Variants in KIF6 observed in about 807,000 individuals in gnomAD.
KIF6 encodes the protein kinesin family member 6.
KIF6 carries 106 observed loss-of-function variants against 112.7 expected under a neutral mutation model. The ratio of observed to expected loss-of-function variants is 0.94; its 90% CI spans 0.80 to 1.11. The LOEUF is 1.11. Ranked by LOEUF, KIF6 falls within the 50% of genes least tolerant of loss-of-function variation. The probability of loss-of-function intolerance (pLI) is 0.00; values close to 1 mark genes in which losing one functional copy is unlikely to be tolerated. For missense variants in KIF6, 929 were observed against 964.0 expected, an observed-to-expected ratio of 0.96 and a Z score of 0.48; for synonymous variants, 339 against 339.9, an observed-to-expected ratio of 1.00 and a Z score of 0.03.
intron 3 of KIF6, among the ~76,000 whole-genome samples, chr6:39,653,660 A>G (rs1785601733): frequency 6.6e-6 from 1 of 152,208 alleles, no homozygotes; most frequent in Non-Finnish European, 1.5e-5. Flanking sequence ...CACAAAAGGT[A>G]AGGTCAAGCT....
At chr6:39,404,199 T>G (rs1325186421) in intron 15 of KIF6, among the ~76,000 whole-genome samples, 1 of 152,226 alleles carries the variant, frequency 6.6e-6, no homozygotes, top group Admixed American at 6.5e-5. Context: ...ATTACTTTAA[T>G]TTTATTGGTT....
chr6:39,589,512 G>A (rs374960832), intron 7 of KIF6, among the ~76,000 whole-genome samples: 18 of 152,132 alleles, frequency 1.2e-4, no homozygotes, highest in African/African-American at 9.7e-5. Flanking sequence ...CTCAGTTCTC[G>A]TGGCAGCCCT....
chr6:39,499,633 TCTGTTTTCCTC>T (rs1370877988), intron 13 of KIF6, among the ~76,000 whole-genome samples: 2 of 152,158 alleles, frequency 1.3e-5, no homozygotes, highest in African/African-American at 4.8e-5. Context: ...CTACCTGTCT[TCTGTTTTCCTC>T]CTAGGACCAA....
Position 39,602,615 on chromosome 6 carries a change from A to G in KIF6, c.640-6355T>C, listed in dbSNP as rs183836084. Among the ~76,000 whole-genome samples the G allele has an allele frequency of 3.1e-4, 47 of 152,296 alleles. 1 individual carries two copies. The highest frequency in any genetic ancestry group is 2.7e-3 in the Admixed American group (41 of 15,286). ...CATAATTTCTAAAAATCTTCAAATA[A>G]TTCTGTGACTACATCTGCAAGCTTT... On this transcript the variant is annotated intron_variant, in intron 6 of 22. Transcript: ENST00000287152.
intron 3 of KIF6, among the ~76,000 whole-genome samples, chr6:39,674,861 C>T (rs1787042752): frequency 6.7e-6 from 1 of 148,646 alleles, no homozygotes. Flanking sequence ...ATGAGAGAAC[C>T]AAACCTAACA....
intron 10 of KIF6, among the ~76,000 whole-genome samples, chr6:39,567,611 CT>C (rs138061257): frequency 1.4e-3 from 208 of 144,894 alleles, no homozygotes; most frequent in Non-Finnish European, 1.4e-3. Flanking sequence ...GAAGTGATTT[CT>C]TTTTTTTTTT....
At chr6:39,714,487 A>T (rs891112624) in intron 3 of KIF6, among the ~76,000 whole-genome samples, 1 of 152,136 alleles carries the variant, frequency 6.6e-6, no homozygotes, top group Admixed American at 6.5e-5. Flanking sequence ...TTGCTGCGTT[A>T]TTTTGTTTTG....
intron 10 of KIF6, among the ~76,000 whole-genome samples, chr6:39,570,518 G>A (rs1411767366): frequency 2.0e-5 from 3 of 152,198 alleles, no homozygotes; most frequent in Non-Finnish European, 2.9e-5. Context: ...AAGCTTGCAC[G>A]TAGGAAGATT....
chr6:39,614,246 A>G (rs1279225994), intron 5 of KIF6, among the ~76,000 whole-genome samples: 1 of 152,208 alleles, frequency 6.6e-6, no homozygotes, highest in African/African-American at 2.4e-5. Context: ...GATTTTCTTA[A>G]GAATTGTTAA....
At chr6:39,464,420 G>C (rs1031036266) in intron 13 of KIF6, among the ~76,000 whole-genome samples, 9 of 152,188 alleles carry the variant, frequency 5.9e-5, no homozygotes, top group Non-Finnish European at 2.9e-5. Context: ...ATCAATGTCT[G>C]CTTTAGATCA....
chr6:39,564,467 T>C (rs1342342103), intron 10 of KIF6, among the ~76,000 whole-genome samples: 1 of 152,212 alleles, frequency 6.6e-6, no homozygotes, highest in Admixed American at 6.5e-5. Flanking sequence ...CTAGGACTAA[T>C]TATTTGCTAG....
Position 39,540,036 on chromosome 6 carries a change from C to T in KIF6, c.1612G>A (p.Gly538Arg). ...TTGTGGAGCAAACTGGATCTTTTCC[C>T]CAAAATGCTGAAGTCCTGGGCCTGT... ...PSQAQDFSIL[G>R]KRSSLLHKKI... The change falls in exon 13 of 23, where the codon GGG becomes AGG. Residue 538 changes from glycine (G) to arginine (R), a missense_variant. Coordinates refer to ENST00000287152, the MANE Select transcript of KIF6 (RefSeq NM_145027.6). 1 of 1,606,420 alleles carries T rather than the reference C, an allele frequency of 6.2e-7. No individual in the cohort carries two copies. Among genetic ancestry groups the T allele is most frequent in the Non-Finnish European group, 8.5e-7 (1 of 1,177,764 alleles).
intron 13 of KIF6, among the ~76,000 whole-genome samples, chr6:39,518,387 T>G (rs1777192058): frequency 6.6e-6 from 1 of 152,176 alleles, no homozygotes; most frequent in South Asian, 2.1e-4. Flanking sequence ...TATATCTGAG[T>G]TAAGTGATGA....
chr6:39,409,219 T>G (rs192201147), intron 15 of KIF6, among the ~76,000 whole-genome samples: 1 of 152,250 alleles, frequency 6.6e-6, no homozygotes, highest in Admixed American at 6.5e-5. Context: ...GGCTTCTCTG[T>G]TTGCCACCAG....
intron 13 of KIF6, among the ~76,000 whole-genome samples, chr6:39,469,675 T>G (rs1239748113): frequency 6.6e-6 from 1 of 152,160 alleles, no homozygotes; most frequent in Non-Finnish European, 1.5e-5. Context: ...ACCCAGGTAT[T>G]AAATCTAGCA....
chr6:39,679,760 T>A (rs1014511011), intron 3 of KIF6, among the ~76,000 whole-genome samples: 43 of 149,470 alleles, frequency 2.9e-4, no homozygotes, highest in Admixed American at 8.7e-4. Flanking sequence ...GGACTACAGG[T>A]GCATGCCACC....
intron 6 of KIF6, among the ~76,000 whole-genome samples, chr6:39,610,015 A>T (rs537834888): frequency 2.0e-5 from 3 of 152,352 alleles, no homozygotes; most frequent in African/African-American, 7.2e-5. Flanking sequence ...TATGCCTTCA[A>T]GGTAGGGGCA....
intron 5 of KIF6, among the ~76,000 whole-genome samples, chr6:39,623,238 C>A (rs1040782142): frequency 5.3e-5 from 8 of 151,230 alleles, no homozygotes; most frequent in Non-Finnish European, 1.0e-4. Flanking sequence ...CATTAATTTT[C>A]TCTCACTTCT....
chr6:39,663,053 C>T (rs1199345860), intron 3 of KIF6, among the ~76,000 whole-genome samples: 1 of 152,064 alleles, frequency 6.6e-6, no homozygotes, highest in Non-Finnish European at 1.5e-5. Context: ...ACCGCCATGC[C>T]TGGCTAGTTT....
Sources: gnomAD v4.1 joint callset for allele counts (sites outside exome capture counted in the v4.1 genomes callset) on GRCh38, gnomAD v4.1.1 for gene constraint, MANE v1.5 for transcripts, NCBI Gene and HGNC (gene_info 2026-07-23, HGNC 2026-07-21) for gene names.